IGLL5: variants seen among roughly 807,000 people sequenced by gnomAD.
IGLL5 encodes the protein immunoglobulin lambda-like polypeptide 5.
A neutral mutation model predicts 20.9 loss-of-function variants in IGLL5; 30 were observed. The observed-to-expected ratio is 1.44, with a 90% CI of 1.07 to 1.95. IGLL5 has a LOEUF of 1.95. Among genes scored for constraint, IGLL5 ranks in the 30% most tolerant of loss-of-function variants. The pLI is 0.00. For missense variants in IGLL5, 475 were observed against 270.7 expected (o/e 1.75, Z -5.30); for synonymous variants, 203 against 117.3 (o/e 1.73, Z -4.72).
chr22:22,888,318 G>A (rs2067581502), intron 1 of IGLL5, 59 bp downstream of exon 1: 3 of 1,493,920 alleles, frequency 2.0e-6, no homozygotes, highest in South Asian at 1.2e-5. Flanking sequence ...GGGAAAGGGT[G>A]ACCAAGGGGA....
chr22:22,888,969 C>T (rs184199690), intron 1 of IGLL5, among the ~76,000 whole-genome samples: 30 of 151,202 alleles, frequency 2.0e-4, no homozygotes, highest in South Asian at 1.5e-3. Flanking sequence ...GAGAGGAGAG[C>T]ACAGGATGAG....
chr22:22,888,364 TAAG>T (rs2067587582), intron 1 of IGLL5, 105 bp downstream of exon 1: 1 of 1,029,096 alleles, frequency 9.7e-7, no homozygotes, highest in African/African-American at 1.6e-5. Context: ...GGTTAACCCC[TAAG>T]AGGGGCCTGG....
intron 1 of IGLL5, among the ~76,000 whole-genome samples, chr22:22,889,742 T>A (rs1601609675): frequency 1.3e-5 from 2 of 151,258 alleles, no homozygotes; most frequent in African/African-American, 2.4e-5. Flanking sequence ...TGCAGGCCAC[T>A]ACACCTGGCT....
chr22:22,894,927 C>G (rs1243900820), intron 2 of IGLL5, among the ~76,000 whole-genome samples: 1 of 151,410 alleles, frequency 6.6e-6, no homozygotes, highest in African/African-American at 2.4e-5. Context: ...ACACTGCCTG[C>G]CAGGACAGTC....
intron 1 of IGLL5, among the ~76,000 whole-genome samples, chr22:22,889,721 A>G (rs1407002564): frequency 1.3e-5 from 2 of 151,268 alleles, no homozygotes; most frequent in African/African-American, 2.4e-5. Context: ...CTGAGTAGCT[A>G]GGACTACAGA....
In IGLL5 at chr22:22,888,380, T is replaced by C. The variant is rs542572700; in HGVS notation, c.206+121T>C. ...GTTAACCCCTAAGAGGGGCCTGGGCTGACACTGGCTTTAGTAATGGGTTGA... is the reference window on the plus strand; with the variant it reads ...GTTAACCCCTAAGAGGGGCCTGGGCCGACACTGGCTTTAGTAATGGGTTGA... On this transcript the variant is annotated intron_variant, in intron 1 of 2. Coordinates refer to ENST00000526893, the MANE Select transcript of IGLL5 (RefSeq NM_001178126.2). 6 of 800,516 alleles carry C rather than the reference T, an allele frequency of 7.5e-6. 1 individual carries two copies. Among genetic ancestry groups the C allele is most frequent in the African/African-American group, 7.1e-5 (4 of 56,662 alleles). The allele number at this position is 800,516 out of a possible 1,614,324, so 49.6% of individuals were successfully genotyped here. A position where few individuals can be genotyped will look rare whatever the true frequency, so the allele number is the denominator to read the frequency against.
rs2067552270 is a variant in IGLL5 at position 22,887,881 on chromosome 22, A to G, written c.-173A>G. ...AGATCCCCAGGGGTGACAGCCATGG[A>G]CCCTGGAAGGGCCTGGGCTAGGGAC... On this transcript the variant is annotated 5_prime_UTR_variant, in exon 1 of 3. Transcript: ENST00000526893. 1 of 657,150 alleles carries G rather than the reference A, an allele frequency of 1.5e-6. No homozygotes were observed. The highest frequency in any genetic ancestry group is 1.8e-5 in the African/African-American group (1 of 55,406). The allele number at this position is 657,150 out of a possible 1,614,324, so 40.7% of individuals were successfully genotyped here.
At position 22,887,827 on chromosome 22, in the gene IGLL5, A is replaced by G; in HGVS notation, c.-227A>G. ...TTGAGCCCTGGATTGTGACCGCTTC[A>G]GGGCAGTTGGTAGATGCCCCTCTGG... On this transcript the variant is annotated 5_prime_UTR_variant, in exon 1 of 3. Transcript: ENST00000526893. The G allele has an allele frequency of 1.7e-6, 1 of 601,002 alleles. No individual in the cohort carries two copies. The highest frequency in any genetic ancestry group is 3.0e-6 in the Non-Finnish European group (1 of 336,270). The allele number at this position is 601,002 out of a possible 1,614,324, so 37.2% of individuals were successfully genotyped here. A position where few individuals can be genotyped will look rare whatever the true frequency, so the allele number is the denominator to read the frequency against.
chr22:22,894,432 G>T (rs1341269822), intron 2 of IGLL5, among the ~76,000 whole-genome samples: 2 of 151,500 alleles, frequency 1.3e-5, no homozygotes, highest in African/African-American at 2.4e-5. Flanking sequence ...ACTGGGTGAG[G>T]TGCCAGAATC....
chr22:22,889,237 C>T (rs559117505), intron 1 of IGLL5, among the ~76,000 whole-genome samples: 1 of 151,058 alleles, frequency 6.6e-6, no homozygotes, highest in African/African-American at 2.4e-5. Context: ...GGGGAGGACA[C>T]TCAGATTCAG....
chr22:22,894,210 T>G (rs960830020), intron 2 of IGLL5, among the ~76,000 whole-genome samples: 2 of 151,180 alleles, frequency 1.3e-5, no homozygotes, highest in East Asian at 2.0e-4. Context: ...CTGCTGAGTC[T>G]CATAGTCTAG....
At chr22:22,888,873 C>G (rs538911868) in intron 1 of IGLL5, among the ~76,000 whole-genome samples, 1 of 151,420 alleles carries the variant, frequency 6.6e-6, no homozygotes, top group Admixed American at 6.6e-5. Context: ...GGGGATCTCC[C>G]TCTGGGATGA....
intron 1 of IGLL5, among the ~76,000 whole-genome samples, chr22:22,888,541 C>T (rs909239186): frequency 6.6e-6 from 1 of 151,408 alleles, no homozygotes; most frequent in East Asian, 2.0e-4. Context: ...TAGTCCTAGT[C>T]CTCTGGGTAG....
intron 2 of IGLL5, among the ~76,000 whole-genome samples, chr22:22,895,088 A>G (rs2066722495): frequency 6.6e-6 from 1 of 151,398 alleles, no homozygotes; most frequent in Admixed American, 6.6e-5. Flanking sequence ...ATCAGAGAAG[A>G]AGGAACACAG....
At chr22:22,888,346 A>C (rs2067584902) in intron 1 of IGLL5, 87 bp downstream of exon 1, 2 of 1,294,062 alleles carry the variant, frequency 1.5e-6, no homozygotes, top group African/African-American at 1.5e-5. Context: ...CAGAGGAGTG[A>C]GGAGGAAGGT....
At chr22:22,889,005 A>G (rs560564443) in intron 1 of IGLL5, among the ~76,000 whole-genome samples, 9 of 151,366 alleles carry the variant, frequency 5.9e-5, no homozygotes, top group East Asian at 2.0e-4. Flanking sequence ...GTGACTGGGA[A>G]GGGGAGGCAA....
chr22:22,894,152 A>C (rs565255335), intron 2 of IGLL5, among the ~76,000 whole-genome samples: 4 of 151,466 alleles, frequency 2.6e-5, no homozygotes, highest in Admixed American at 1.3e-4. Context: ...GACATTGCCC[A>C]GTGACTCCTG....
intron 2 of IGLL5, among the ~76,000 whole-genome samples, 182 bp downstream of exon 2, chr22:22,894,000 C>T (rs569795440): frequency 2.7e-5 from 4 of 150,148 alleles, no homozygotes; most frequent in East Asian, 2.0e-4. Flanking sequence ...AGGGCCTCCA[C>T]AGTGGGAGCA....
intron 2 of IGLL5, among the ~76,000 whole-genome samples, chr22:22,894,560 T>C (rs549188590): frequency 3.3e-5 from 5 of 151,460 alleles, no homozygotes; most frequent in South Asian, 2.1e-4. Context: ...ATCGGCCTCC[T>C]GCCTTCCTCA....
Sources: gnomAD v4.1 joint callset for allele counts (sites outside exome capture counted in the v4.1 genomes callset) on GRCh38, gnomAD v4.1.1 for gene constraint, MANE v1.5 for transcripts, NCBI Gene and HGNC (gene_info 2026-07-23, HGNC 2026-07-21) for gene names.